CCDC22: variants seen among roughly 807,000 people sequenced by gnomAD.
The protein encoded by CCDC22 is coiled-coil domain-containing protein 22.
A neutral mutation model predicts 53.1 loss-of-function variants in CCDC22; 4 were observed. The ratio of observed to expected loss-of-function variants is 0.08; its 90% confidence interval spans 0.04 to 0.17. The LOEUF (loss-of-function observed/expected upper bound fraction) is 0.17, where lower values mean the gene tolerates loss of function less well. CCDC22 is among the 10% of genes least tolerant of loss of function. The pLI, the probability that CCDC22 is intolerant of heterozygous loss-of-function variation, is 1.00. For synonymous variants in CCDC22, 222 were observed against 224.4 expected (o/e 0.99, Z 0.10); for missense variants, 458 against 554.0 (o/e 0.83, Z 1.74).
At position 49,248,817 on chromosome X, in the gene CCDC22, A is replaced by C. The variant is rs782097552; in HGVS notation, c.1432A>C (p.Met478Leu). The C allele has an allele frequency of 9.1e-6, 11 of 1,207,528 alleles. No homozygotes were observed. Among genetic ancestry groups the C allele is most frequent in the Non-Finnish European group, 1.2e-5 (11 of 894,050 alleles). Residue 478 changes from methionine to leucine, a missense_variant and splice_region_variant, in exon 13 of 17, where the codon ATG (methionine) becomes CTG (leucine). Met to Leu is a conservative substitution (Grantham distance 15, BLOSUM62 2). Around this residue, in one of 4 missense-constraint regions of CCDC22, gnomAD observed 48 missense variants for 83.4 expected, o/e 0.58. Transcript: ENST00000376227. ...RRKEEVYKQL[M>L]SELETLPRDV... The stretch of plus-strand genomic sequence containing the variant: ...CAGTGCCTGCTATATCCCTGCCTAG[A>C]TGTCAGAGCTGGAGACTCTGCCCAG...
chrX:49,245,972 GTTTTTT>G (rs57878026), intron 6 of CCDC22, among the ~76,000 whole-genome samples: 1 of 103,728 alleles, frequency 9.6e-6, no homozygotes, highest in Non-Finnish European at 2.0e-5. Context: ...GTTTTGTTTT[GTTTTTT>G]TTTTGTTTTT....
In CCDC22 at chrX:49,243,473, A is replaced by G; in HGVS notation, c.714+11A>G. On this transcript the variant is annotated intron_variant, in intron 6 of 16. Coordinates refer to ENST00000376227, the MANE Select transcript of CCDC22 (RefSeq NM_014008.5). ...CGCCTCCCACCCCAGGTACAGCCAG[A>G]TGCCTGGCTCCCTGCTGTCTGGGCT... The G allele has an allele frequency of 8.8e-7, 1 of 1,139,251 alleles. No homozygotes were observed. Among genetic ancestry groups the G allele is most frequent in the Non-Finnish European group, 1.2e-6 (1 of 852,931 alleles). The allele number at this position is 1,139,251 out of a possible 1,213,427, so 93.9% of individuals were successfully genotyped here.
At chrX:49,247,111 T>C (rs1412543928) in intron 7 of CCDC22, 186 bp downstream of exon 7, 7 of 453,491 alleles carry the variant, frequency 1.5e-5, no homozygotes, top group South Asian at 6.7e-5. Flanking sequence ...CTGGAGAAAA[T>C]GTGGATAGGT....
chrX:49,250,404 C>T lies in CCDC22; in HGVS notation c.*143C>T, dbSNP rs1602677845. 2 of 515,258 alleles carry T rather than the reference C, an allele frequency of 3.9e-6. No homozygotes were observed. The highest frequency in any genetic ancestry group is 3.6e-5 in the East Asian group (1 of 27,458). 42.5% of individuals were successfully genotyped at this position (515,258 alleles called of 1,213,427 possible). A position where few individuals can be genotyped will look rare whatever the true frequency, so the allele number is the denominator to read the frequency against. On this transcript the variant is annotated 3_prime_UTR_variant, in exon 17 of 17. Transcript: ENST00000376227. ...TTGGACCCAGACCCCTGCCCACTGA[C>T]CGCAACCCTTATATGGGGTGATAGT...
In CCDC22 at chrX:49,248,539, C is replaced by G; in HGVS notation, c.1329+16C>G. The stretch of plus-strand genomic sequence containing the variant: ...TTGCAGAGAGGTAAGCAGTGGGGCC[C>G]TGGGCTGTGGGCGGGCCAGGGCAGG... On this transcript the variant is annotated intron_variant, in intron 11 of 16. Coordinates refer to ENST00000376227, the MANE Select transcript of CCDC22 (RefSeq NM_014008.5). 8.3e-7 allele frequency: 1 copy of G among 1,203,282 alleles called. No individual in the cohort carries two copies. Among genetic ancestry groups the G allele is most frequent in the Non-Finnish European group, 1.1e-6 (1 of 888,791 alleles).
At chrX:49,249,347 AC>A in intron 14 of CCDC22, 85 bp downstream of exon 14, 1 of 916,447 alleles carries the variant, frequency 1.1e-6, no homozygotes, top group Non-Finnish European at 1.6e-6. Flanking sequence ...TGGGGTCCAG[AC>A]CCAGGCCCTG....
intron 7 of CCDC22, chrX:49,247,165 C>T (rs1161670694): frequency 4.6e-6 from 2 of 437,138 alleles, no homozygotes; most frequent in East Asian, 3.7e-5. Flanking sequence ...GGCAACACCC[C>T]CTTTCCTCAG....
At position 49,248,890 on chromosome X, in the gene CCDC22, G is replaced by A. The variant is rs1557114860; in HGVS notation, c.1505G>A (p.Gly502Asp). ...ACCCAGCGCATCCTGGAGATCGTGGGCAACATCCGGAAGCAGAAGGAAGAG... is the reference window on the plus strand; with the variant it reads ...ACCCAGCGCATCCTGGAGATCGTGGACAACATCCGGAAGCAGAAGGAAGAG... ...AYTQRILEIV[G>D]NIRKQKEEIT... The change falls in exon 13 of 17, where the codon GGC (glycine) becomes GAC (aspartate). Residue 502 changes from glycine (G) to aspartate (D), a missense_variant. This residue lies in a region of CCDC22 where 48 missense variants were observed against 83.4 expected (regional missense o/e 0.58). Coordinates refer to ENST00000376227, the MANE Select transcript of CCDC22 (RefSeq NM_014008.5). 2 of 1,210,685 alleles carry A rather than the reference G, an allele frequency of 1.7e-6. No individual in the cohort carries two copies. The highest frequency in any genetic ancestry group is 2.2e-6 in the Non-Finnish European group (2 of 895,219).
intron 6 of CCDC22, among the ~76,000 whole-genome samples, chrX:49,244,459 T>C (rs2147938786): frequency 9.0e-6 from 1 of 111,228 alleles, no homozygotes; most frequent in African/African-American, 3.3e-5. Context: ...CACCTCTGTA[T>C]CTGTTGCCCC....
chrX:49,242,365 G>C lies in CCDC22; in HGVS notation c.361+217G>C, dbSNP rs907070135. On this transcript the variant is annotated intron_variant, in intron 3 of 16. Transcript: ENST00000376227. Reference sequence around the variant, plus strand: ...TTGAGCTGACCCCGGTGGTGCGTTGGTGCGGGGAGGGGCCTCCCTGACTCA... The same window carrying C: ...TTGAGCTGACCCCGGTGGTGCGTTGCTGCGGGGAGGGGCCTCCCTGACTCA... 36 of 740,599 alleles carry C rather than the reference G, an allele frequency of 4.9e-5. No homozygotes were observed. The African/African-American group carries it at 7.7e-4, about 16-fold the overall frequency. 61.0% of individuals were successfully genotyped at this position (740,599 alleles called of 1,213,427 possible).
At chrX:49,250,032 G>A in intron 16 of CCDC22, 116 bp from the exon 17 acceptor site, 1 of 503,952 alleles carries the variant, frequency 2.0e-6, no homozygotes, top group South Asian at 2.9e-5. Flanking sequence ...CCATGGGACA[G>A]AGCAGGCTGT....
Position 49,248,395 on chromosome X carries a change from A to C in CCDC22, c.1213-12A>C, listed in dbSNP as rs781793881. Reference sequence around the variant, plus strand: ...GGCCCAGCCTGTGTGACATGTACCCATCCCCCACCAGCTTGTGGTGGAGAA... The same window carrying C: ...GGCCCAGCCTGTGTGACATGTACCCCTCCCCCACCAGCTTGTGGTGGAGAA... On this transcript the variant is annotated splice_polypyrimidine_tract_variant and intron_variant, in intron 10 of 16. Coordinates refer to ENST00000376227, the MANE Select transcript of CCDC22 (RefSeq NM_014008.5). 12 of 1,208,606 alleles carry C rather than the reference A, an allele frequency of 9.9e-6. No homozygotes were observed. The highest frequency in any genetic ancestry group is 4.9e-4 in the Middle Eastern group (2 of 4,082).
Position 49,248,397 on chromosome X carries a change from C to A in CCDC22, c.1213-10C>A. ...CCCAGCCTGTGTGACATGTACCCAT[C>A]CCCCACCAGCTTGTGGTGGAGAATA... On this transcript the variant is annotated splice_polypyrimidine_tract_variant and intron_variant, in intron 10 of 16. Transcript: ENST00000376227. The A allele has an allele frequency of 8.3e-7, 1 of 1,205,120 alleles. No homozygotes were observed. The highest frequency in any genetic ancestry group is 1.1e-6 in the Non-Finnish European group (1 of 890,836).
chrX:49,247,003 C>T (rs1174742426), intron 7 of CCDC22, 78 bp downstream of exon 7: 13 of 841,063 alleles, frequency 1.5e-5, no homozygotes, highest in Non-Finnish European at 2.2e-5. Context: ...CAGCACCACA[C>T]CTTTATCCAC....
At position 49,248,898 on chromosome X, in the gene CCDC22, C is replaced by T. The variant is rs782471588; in HGVS notation, c.1513C>T (p.Arg505Trp). The T allele has an allele frequency of 3.4e-5, 41 of 1,208,657 alleles. No individual in the cohort carries two copies. The highest frequency in any genetic ancestry group is 4.4e-5 in the Admixed American group (2 of 45,692). ...QRILEIVGNI[R>W]KQKEEITKIL... ...CATCCTGGAGATCGTGGGCAACATC[C>T]GGAAGCAGAAGGAAGAGATCACCAA... is the stretch of plus-strand genomic sequence containing the variant. Residue 505 changes from arginine (R) to tryptophan (W), a missense_variant, in exon 13 of 17, where the codon CGG becomes TGG. By Grantham distance (101) the Arg-to-Trp change is moderately radical. This residue lies in a region of CCDC22 where 48 missense variants were observed against 83.4 expected (regional missense o/e 0.58). Transcript: ENST00000376227.
At chrX:49,245,953 TTTTG>T (rs2065986927) in intron 6 of CCDC22, among the ~76,000 whole-genome samples, 4 of 69,218 alleles carry the variant, frequency 5.8e-5, no homozygotes, top group Non-Finnish European at 3.9e-5. Context: ...GTGGGTTTTT[TTTTG>T]TTTTGTTTTG....
At chrX:49,238,291 G>A (rs782544806) in intron 2 of CCDC22, among the ~76,000 whole-genome samples, 17 of 110,530 alleles carry the variant, frequency 1.5e-4, no homozygotes, top group Non-Finnish European at 2.8e-4. Context: ...ATGTTGGCTA[G>A]GCTGGTCTTG....
At chrX:49,240,666 C>G (rs1557113262) in intron 2 of CCDC22, among the ~76,000 whole-genome samples, 1 of 111,898 alleles carries the variant, frequency 8.9e-6, no homozygotes, top group African/African-American at 3.3e-5. Context: ...CCCTGTAGCC[C>G]CCCCGCAACT....
At chrX:49,244,304 C>A (rs374273621) in intron 6 of CCDC22, among the ~76,000 whole-genome samples, 2 of 108,521 alleles carry the variant, frequency 1.8e-5, no homozygotes, top group African/African-American at 6.7e-5. Context: ...TATCTGTCCC[C>A]TCTTCTTCTC....
Sources: gnomAD v4.1 joint callset for allele counts (sites outside exome capture counted in the v4.1 genomes callset) on GRCh38, gnomAD v4.1.1 for gene constraint, gnomAD v4.1.1 regional missense constraint, MANE v1.5 for transcripts, NCBI Gene and HGNC (gene_info 2026-07-23, HGNC 2026-07-21) for gene names.